Variants in BIN1 observed in about 807,000 individuals in gnomAD.
The protein encoded by BIN1 is bridging integrator 1, also known as myc box-dependent-interacting protein 1.
In BIN1, 53 loss-of-function variants were observed where a neutral mutation model predicts 82.0. That is an observed-to-expected ratio of 0.65 (90% confidence interval 0.52 to 0.81). The LOEUF (loss-of-function observed/expected upper bound fraction) is 0.81. Among genes scored for constraint, BIN1 ranks in the 40% least tolerant of loss-of-function variants. The pLI, the probability that BIN1 is intolerant of heterozygous loss-of-function variation, is 0.00. For synonymous variants in BIN1, 302 were observed against 328.0 expected (o/e 0.92, Z 0.86); for missense variants, 642 against 784.4 (o/e 0.82, Z 2.17).
chr2:127,081,064 C>T (rs1395184290), intron 1 of BIN1, among the ~76,000 whole-genome samples: 2 of 152,218 alleles, frequency 1.3e-5, no homozygotes, highest in East Asian at 1.9e-4. Context: ...GCGTCAGCCG[C>T]TCCCTGTGGG....
chr2:127,076,843 C>G (rs1427950843), intron 1 of BIN1, 137 bp from the exon 2 acceptor site: 2 of 931,732 alleles, frequency 2.1e-6, no homozygotes. Context: ...GGGTGCCCAC[C>G]CAGGGCTGCA....
chr2:127,053,529 C>A, intron 13 of BIN1, 84 bp from the exon 14 acceptor site: 1 of 1,547,142 alleles, frequency 6.5e-7, no homozygotes, highest in South Asian at 1.2e-5. Flanking sequence ...GACCCTACCC[C>A]CGCTCGCCCC....
chr2:127,107,070 A>T lies in BIN1; in HGVS notation c.-127T>A. ...TGCCGCTCCACGCCGCGCACCCGAC[A>T]GCGGAGCCAACTGACGGAGGCGGAG... On this transcript the variant is annotated 5_prime_UTR_variant, in exon 1 of 19. Transcript: ENST00000316724. The surrounding 1 kb of genome is among the most constrained non-coding windows in gnomAD (Gnocchi z 5.9). 9.9e-7 allele frequency: 1 copy of T among 1,006,640 alleles called. No homozygotes were observed. The highest frequency in any genetic ancestry group is 1.3e-6 in the Non-Finnish European group (1 of 759,008). 62.4% of individuals were successfully genotyped at this position (1,006,640 alleles called of 1,614,324 possible).
At chr2:127,081,050 C>T (rs530425672) in intron 1 of BIN1, among the ~76,000 whole-genome samples, 39 of 152,312 alleles carry the variant, frequency 2.6e-4, no homozygotes, top group Admixed American at 2.4e-3. Context: ...GGCAGAAGGC[C>T]CTGGCGTCAG....
chr2:127,070,514 G>T, intron 4 of BIN1, 39 bp downstream of exon 4: 1 of 1,606,698 alleles, frequency 6.2e-7, no homozygotes, highest in East Asian at 2.2e-5. Context: ...AGACCAGAGG[G>T]CCCTCTGAGA....
chr2:127,085,898 G>A (rs541696802), intron 1 of BIN1, among the ~76,000 whole-genome samples: 119 of 152,302 alleles, frequency 7.8e-4, no homozygotes, highest in African/African-American at 2.7e-3. Flanking sequence ...GCCCTCCCTC[G>A]AGGGAGATGC....
At chr2:127,085,358 T>C (rs1677992325) in intron 1 of BIN1, among the ~76,000 whole-genome samples, 1 of 152,136 alleles carries the variant, frequency 6.6e-6, no homozygotes, top group Non-Finnish European at 1.5e-5. Flanking sequence ...ACTTTAAAGA[T>C]AAGTGCATTC....
Position 127,057,322 on chromosome 2 carries a change from G to A in BIN1, c.1131+151C>T, listed in dbSNP as rs1463969452. 2 of 1,098,628 alleles carry A rather than the reference G, an allele frequency of 1.8e-6. No homozygotes were observed. Among genetic ancestry groups the A allele is most frequent in the South Asian group, 2.0e-5 (1 of 50,364 alleles). The allele number at this position is 1,098,628 out of a possible 1,614,324, so 68.1% of individuals were successfully genotyped here. ...GTGATGGAGGATGATGGAGGATGATGGATGGAGGGAACAAAGGGTGAGAGA... is the reference window on the plus strand; with the variant it reads ...GTGATGGAGGATGATGGAGGATGATAGATGGAGGGAACAAAGGGTGAGAGA... On this transcript the variant is annotated intron_variant, in intron 12 of 18. Coordinates refer to ENST00000316724, the MANE Select transcript of BIN1 (RefSeq NM_139343.3). This position sits in a 1 kb window ranked among gnomAD's most constrained non-coding sequence, Gnocchi z 5.0.
intron 1 of BIN1, among the ~76,000 whole-genome samples, chr2:127,085,764 G>A (rs1178769627): frequency 6.6e-6 from 1 of 152,220 alleles, no homozygotes; most frequent in Non-Finnish European, 1.5e-5. Context: ...GGGGAGCTGA[G>A]CCAGGCCTCA....
In BIN1 at chr2:127,057,584, T is replaced by C. The variant is rs1158164224; in HGVS notation, c.1020A>G (p.Pro340=). The C allele has an allele frequency of 2.6e-6, 4 of 1,534,540 alleles. No homozygotes were observed. Among genetic ancestry groups the C allele is most frequent in the Non-Finnish European group, 3.5e-6 (4 of 1,135,852 alleles). The change falls in exon 12 of 19, where the codon CCA becomes CCG. Residue 340 remains proline, a synonymous_variant. Coordinates refer to ENST00000316724, the MANE Select transcript of BIN1 (RefSeq NM_139343.3). This position sits in a 1 kb window ranked among gnomAD's most constrained non-coding sequence, Gnocchi z 5.0. ...GGGTGTGTTTGGGAGGCGGAGGGACTGGTGGGCCTTTCCGGAGCTGTGGGT... is the reference window on the plus strand; with the variant it reads ...GGGTGTGTTTGGGAGGCGGAGGGACCGGTGGGCCTTTCCGGAGCTGTGGGT... ...KSPSQLRKGP[P]VPPPPKHTPS...
intron 1 of BIN1, among the ~76,000 whole-genome samples, chr2:127,096,182 T>C (rs1418542586): frequency 1.3e-5 from 2 of 151,976 alleles, no homozygotes; most frequent in East Asian, 3.9e-4. Flanking sequence ...CCCCATTCTA[T>C]CAGGGTCTAA....
intron 1 of BIN1, among the ~76,000 whole-genome samples, chr2:127,100,578 G>A (rs979649930): frequency 2.0e-5 from 3 of 152,202 alleles, no homozygotes; most frequent in Non-Finnish European, 4.4e-5. Context: ...ACTCTCACCT[G>A]TCCACAGTGA....
rs1007964532 is a variant in BIN1, at chr2:127,067,221, C to T, written c.612+942G>A. ...GCTGCCCAGAGAGAAACCCAACCTC[C>T]GGGGCCGGGCCCCTATCGCCAGCCT... On this transcript the variant is annotated intron_variant, in intron 7 of 18. Transcript: ENST00000316724. This position sits in a 1 kb window ranked among gnomAD's most constrained non-coding sequence, Gnocchi z 4.7. Among the ~76,000 whole-genome samples the T allele has an allele frequency of 3.3e-5, 5 of 152,144 alleles. No homozygotes were observed. The highest frequency in any genetic ancestry group is 2.1e-4 in the South Asian group (1 of 4,810).
At chr2:127,083,300 G>C (rs942329103) in intron 1 of BIN1, among the ~76,000 whole-genome samples, 2 of 151,934 alleles carry the variant, frequency 1.3e-5, no homozygotes, top group African/African-American at 2.4e-5. Context: ...GTTTTGTCTG[G>C]AACTCCTAGC....
intron 1 of BIN1, among the ~76,000 whole-genome samples, chr2:127,077,893 G>A (rs1686816491): frequency 6.6e-6 from 1 of 152,194 alleles, no homozygotes; most frequent in South Asian, 2.1e-4. Flanking sequence ...AGAATGAGAA[G>A]GAAACGGGGG....
intron 14 of BIN1, chr2:127,052,967 CCT>C (rs377036466): frequency 4.2e-5 from 12 of 284,288 alleles, no homozygotes; most frequent in Non-Finnish European, 6.2e-5. Flanking sequence ...CCCTGTCTTC[CCT>C]GACTCTCTCA....
chr2:127,072,000 G>A (rs1685952388), intron 2 of BIN1, among the ~76,000 whole-genome samples: 1 of 152,160 alleles, frequency 6.6e-6, no homozygotes, highest in South Asian at 2.1e-4. Flanking sequence ...GTAGTAGAAG[G>A]GCACCCTCCT....
intron 1 of BIN1, among the ~76,000 whole-genome samples, chr2:127,094,317 G>A (rs1490076764): frequency 2.0e-5 from 3 of 152,298 alleles, no homozygotes; most frequent in Non-Finnish European, 4.4e-5. Context: ...TTTATCCTCC[G>A]AAGCCTCACA....
At chr2:127,058,895 G>A in intron 11 of BIN1, 116 bp downstream of exon 11, 2 of 1,450,824 alleles carry the variant, frequency 1.4e-6, no homozygotes, top group Non-Finnish European at 1.9e-6. Flanking sequence ...AAAGCATCGG[G>A]TCCATAGCTG....
Sources: gnomAD v4.1 joint callset for allele counts (sites outside exome capture counted in the v4.1 genomes callset) on GRCh38, gnomAD v4.1.1 for gene constraint, Gnocchi (gnomAD v3.1) non-coding constraint, MANE v1.5 for transcripts, NCBI Gene and HGNC (gene_info 2026-07-23, HGNC 2026-07-21) for gene names.